The following PTPRD variants were observed in gnomAD, a reference collection of about 807,000 sequenced individuals.
PTPRD encodes the protein receptor-type tyrosine-protein phosphatase delta.
Under a neutral mutation model 214.5 loss-of-function variants are expected in PTPRD, and 34 were observed. That is an observed-to-expected ratio of 0.16 (90% confidence interval 0.12 to 0.21). The LOEUF is 0.21. Ranked by LOEUF, PTPRD falls within the 10% of genes least tolerant of loss-of-function variation. The pLI is 1.00. For missense variants in PTPRD, 2,545 were observed against 2,398.7 expected, an observed-to-expected ratio of 1.06 and a Z score of -1.27; for synonymous variants, 1,128 against 845.7, an observed-to-expected ratio of 1.33 and a Z score of -5.79.
intron 9 of PTPRD, among the ~76,000 whole-genome samples, chr9:9,313,650 T>C (rs1960580949): frequency 6.6e-6 from 1 of 152,092 alleles, no homozygotes; most frequent in African/African-American, 2.4e-5. Context: ...GTATAGTAAT[T>C]AGGAAGAGTG....
chr9:8,845,445 C>A (rs951298010), intron 11 of PTPRD, among the ~76,000 whole-genome samples: 2 of 152,214 alleles, frequency 1.3e-5, no homozygotes, highest in Admixed American at 1.3e-4. Context: ...CAAGACTTTA[C>A]AAGGCCCTGT....
intron 12 of PTPRD, among the ~76,000 whole-genome samples, chr9:8,730,476 A>G (rs1003724974): frequency 3.9e-5 from 6 of 152,210 alleles, no homozygotes; most frequent in Non-Finnish European, 7.3e-5. Flanking sequence ...GATCAGGTAA[A>G]CATTCAGGTT....
intron 10 of PTPRD, among the ~76,000 whole-genome samples, chr9:9,133,423 A>G (rs1379239826): frequency 3.3e-5 from 5 of 152,250 alleles, no homozygotes; most frequent in Admixed American, 1.3e-4. Context: ...ATATGGATTC[A>G]GTATCCATTT....
At chr9:10,310,568 G>A (rs1046248205) in intron 3 of PTPRD, among the ~76,000 whole-genome samples, 1 of 150,670 alleles carries the variant, frequency 6.6e-6, no homozygotes, top group South Asian at 2.1e-4. Flanking sequence ...TATTCACTGA[G>A]AGTTAGAAAA....
At chr9:9,253,620 T>C (rs1458915670) in intron 9 of PTPRD, among the ~76,000 whole-genome samples, 1 of 152,130 alleles carries the variant, frequency 6.6e-6, no homozygotes, top group African/African-American at 2.4e-5. Flanking sequence ...GTTTAGAGTC[T>C]GCTGGAGTCT....
chr9:8,944,129 G>A (rs1035264827), intron 11 of PTPRD, among the ~76,000 whole-genome samples: 5 of 151,940 alleles, frequency 3.3e-5, no homozygotes, highest in African/African-American at 9.6e-5. Context: ...AGACACAAAT[G>A]GCAAAAAGGA....
At chr9:10,243,680 T>A (rs1450402217) in intron 3 of PTPRD, among the ~76,000 whole-genome samples, 1 of 151,966 alleles carries the variant, frequency 6.6e-6, no homozygotes, top group Non-Finnish European at 1.5e-5. Flanking sequence ...ATAGTAACAA[T>A]AGTAACTACA....
At chr9:10,095,668 G>T (rs924714537) in intron 3 of PTPRD, among the ~76,000 whole-genome samples, 1 of 151,452 alleles carries the variant, frequency 6.6e-6, no homozygotes, top group African/African-American at 2.4e-5. Context: ...ATATTAATCT[G>T]AAACAGTTAA....
rs1215667450 is a variant in PTPRD at position 8,316,767 on chromosome 9, C to G, written c.*1107G>C. The stretch of plus-strand genomic sequence containing the variant: ...AAATCAGGGGGTGAGGTTTGACAAT[C>G]AATCACTGATGTGCATTCCTCATTT... On this transcript the variant is annotated 3_prime_UTR_variant, in exon 46 of 46. Coordinates refer to ENST00000381196, the MANE Select transcript of PTPRD (RefSeq NM_002839.4). 4.3e-6 allele frequency: 1 copy of G among 231,196 alleles called. No individual in the cohort carries two copies. The highest frequency in any genetic ancestry group is 8.6e-6 in the Non-Finnish European group (1 of 116,672). The allele number at this position is 231,196 out of a possible 1,614,324, so 14.3% of individuals were successfully genotyped here. A position where few individuals can be genotyped will look rare whatever the true frequency, so the allele number is the denominator to read the frequency against.
At chr9:9,834,792 T>C (rs1215414662) in intron 5 of PTPRD, among the ~76,000 whole-genome samples, 1 of 152,074 alleles carries the variant, frequency 6.6e-6, no homozygotes, top group Non-Finnish European at 1.5e-5. Flanking sequence ...TTAGTGAAGA[T>C]AGCTGCTAAA....
intron 5 of PTPRD, among the ~76,000 whole-genome samples, chr9:9,868,172 A>G (rs2064462885): frequency 2.0e-5 from 3 of 152,166 alleles, no homozygotes; most frequent in Admixed American, 2.0e-4. Context: ...AGTAGAACAA[A>G]AATAGTTTTA....
At chr9:9,881,268 T>C (rs901241799) in intron 5 of PTPRD, among the ~76,000 whole-genome samples, 4 of 152,162 alleles carry the variant, frequency 2.6e-5, no homozygotes, top group African/African-American at 9.7e-5. Flanking sequence ...TTTGGATACA[T>C]ATCTACAACT....
At chr9:9,233,781 C>T (rs771403459) in intron 9 of PTPRD, among the ~76,000 whole-genome samples, 9 of 152,306 alleles carry the variant, frequency 5.9e-5, no homozygotes, top group South Asian at 2.1e-4. Context: ...ATCTCCTTAA[C>T]GCCATGTCTC....
chr9:10,540,442 T>C (rs1364608659), intron 2 of PTPRD, among the ~76,000 whole-genome samples: 6 of 152,208 alleles, frequency 3.9e-5, no homozygotes, highest in African/African-American at 7.2e-5. Context: ...CTGAATCTTG[T>C]ATGAGGAAGA....
chr9:8,432,157 T>C (rs143260537), intron 35 of PTPRD, among the ~76,000 whole-genome samples: 1 of 152,238 alleles, frequency 6.6e-6, no homozygotes, highest in Non-Finnish European at 1.5e-5. Context: ...GCCTAATATA[T>C]GGACTTTAAC....
intron 8 of PTPRD, among the ~76,000 whole-genome samples, chr9:9,527,905 C>T (rs1234371307): frequency 6.6e-6 from 1 of 152,138 alleles, no homozygotes; most frequent in East Asian, 1.9e-4. Flanking sequence ...ACTCTTCTGC[C>T]TTAAGCAACA....
At chr9:9,297,785 T>C (rs2134481736) in intron 9 of PTPRD, among the ~76,000 whole-genome samples, 1 of 151,482 alleles carries the variant, frequency 6.6e-6, no homozygotes, top group South Asian at 2.1e-4. Context: ...AAGATGAGAG[T>C]AAGATATTAA....
At chr9:9,007,542 C>T (rs1207331456) in intron 11 of PTPRD, among the ~76,000 whole-genome samples, 1 of 151,848 alleles carries the variant, frequency 6.6e-6, no homozygotes, top group Non-Finnish European at 1.5e-5. Context: ...ACAAACCTAT[C>T]AATATTTCTT....
intron 9 of PTPRD, among the ~76,000 whole-genome samples, chr9:9,217,805 T>C (rs1459238171): frequency 6.6e-6 from 1 of 152,176 alleles, no homozygotes; most frequent in African/African-American, 2.4e-5. Context: ...CCTCTTTGCA[T>C]TTGTCCAGTA....
Sources: gnomAD v4.1 joint callset for allele counts (sites outside exome capture counted in the v4.1 genomes callset) on GRCh38, gnomAD v4.1.1 for gene constraint, MANE v1.5 for transcripts, NCBI Gene and HGNC (gene_info 2026-07-23, HGNC 2026-07-21) for gene names.